MTA3: variants seen among roughly 807,000 people sequenced by gnomAD.
The protein encoded by MTA3 is metastasis-associated protein MTA3.
A neutral mutation model predicts 83.5 loss-of-function variants in MTA3; 34 were observed. That is an observed-to-expected ratio of 0.41 (90% CI 0.31 to 0.54). The LOEUF (loss-of-function observed/expected upper bound fraction) is 0.54, where lower values mean the gene tolerates loss of function less well. MTA3 is among the 20% of genes least tolerant of loss of function. The pLI is 0.33. For missense variants in MTA3, 761 were observed against 726.4 expected (o/e 1.05, Z -0.55); for synonymous variants, 303 against 252.7 (o/e 1.20, Z -1.89).
At chr2:42,577,664 A>G (rs532527968) in intron 2 of MTA3, among the ~76,000 whole-genome samples, 1 of 152,130 alleles carries the variant, frequency 6.6e-6, no homozygotes, top group South Asian at 2.1e-4. Context: ...TATTTTTGGT[A>G]GAGATGGGGT....
chr2:42,610,545 C>T (rs553866203), intron 4 of MTA3, among the ~76,000 whole-genome samples: 1 of 152,176 alleles, frequency 6.6e-6, no homozygotes, highest in African/African-American at 2.4e-5. Flanking sequence ...CCTTGTTTGT[C>T]GTTTTGGCAG....
chr2:42,572,202 C>T (rs1279167630), intron 2 of MTA3, among the ~76,000 whole-genome samples: 1 of 151,544 alleles, frequency 6.6e-6, no homozygotes, highest in East Asian at 1.9e-4. Context: ...TGGGGTGAAC[C>T]TGGGGGGTGG....
chr2:42,637,390 A>G (rs373139017), intron 4 of MTA3, among the ~76,000 whole-genome samples: 2 of 152,332 alleles, frequency 1.3e-5, no homozygotes, highest in African/African-American at 4.8e-5. Context: ...GACTCAGTAT[A>G]AATTGCCTAT....
At chr2:42,674,540 G>T (rs950607843) in intron 8 of MTA3, among the ~76,000 whole-genome samples, 1 of 151,452 alleles carries the variant, frequency 6.6e-6, no homozygotes, top group Non-Finnish European at 1.5e-5. Flanking sequence ...TGAAAACATG[G>T]TATCTTTGCA....
At chr2:42,582,273 TG>T (rs1325876803) in intron 3 of MTA3, among the ~76,000 whole-genome samples, 1 of 152,124 alleles carries the variant, frequency 6.6e-6, no homozygotes, top group Non-Finnish European at 1.5e-5. Flanking sequence ...TTAGCCAGGA[TG>T]GTCTCGATCT....
At chr2:42,531,783 G>T (rs1572934956) in intron 2 of MTA3, among the ~76,000 whole-genome samples, 1 of 138,938 alleles carries the variant, frequency 7.2e-6, no homozygotes. Flanking sequence ...TTGAGACGGA[G>T]TCTCGCTCTG....
chr2:42,723,321 C>A (rs1399966606), intron 16 of MTA3: 1 of 355,980 alleles, frequency 2.8e-6, no homozygotes, highest in East Asian at 5.4e-5. Flanking sequence ...AATGTTCTTG[C>A]TGTGATGCGC....
chr2:42,540,114 G>A (rs1252523383), intron 2 of MTA3, among the ~76,000 whole-genome samples: 1 of 151,608 alleles, frequency 6.6e-6, no homozygotes. Flanking sequence ...CAGGAGTTGA[G>A]TCAGGTGAAG....
intron 2 of MTA3, among the ~76,000 whole-genome samples, chr2:42,519,228 GA>G (rs1422943937): frequency 6.6e-6 from 1 of 152,024 alleles, no homozygotes; most frequent in African/African-American, 2.4e-5. Context: ...CTGATTATGA[GA>G]AAAACATCAG....
intron 2 of MTA3, among the ~76,000 whole-genome samples, chr2:42,500,321 C>T (rs1169824022): frequency 1.3e-5 from 2 of 152,066 alleles, no homozygotes; most frequent in African/African-American, 4.8e-5. Context: ...ATCTCTTGGA[C>T]CTGGGAGGCG....
In MTA3 at chr2:42,704,410, G is replaced by A. The variant is rs80091973; in HGVS notation, c.1150+92G>A. On this transcript the variant is annotated intron_variant, in intron 12 of 16. Coordinates refer to ENST00000405094, the MANE Select transcript of MTA3 (RefSeq NM_001330442.2). ...GGGAAGTGCCTGAGGTCAGTACGGT[G>A]CACCTTGGAAGGCACAAGCATGTCT... 3.7e-3 allele frequency: 5,590 copies of A among 1,493,742 alleles called. 185 individuals are homozygous for A. In the African/African-American group the frequency reaches 0.069, roughly 18 times the overall value. 92.5% of individuals were successfully genotyped at this position (1,493,742 alleles called of 1,614,324 possible). A position where few individuals can be genotyped will look rare whatever the true frequency, so the allele number is the denominator to read the frequency against.
Position 42,714,050 on chromosome 2 carries a change from A to G in MTA3, c.1526-4938A>G, listed in dbSNP as rs115395215. Among the ~76,000 whole-genome samples the G allele has an allele frequency of 1.5e-3, 232 of 152,280 alleles. 1 individual carries two copies. The highest frequency in any genetic ancestry group is 5.3e-3 in the African/African-American group (220 of 41,568). On this transcript the variant is annotated intron_variant, in intron 14 of 16. Coordinates refer to ENST00000405094, the MANE Select transcript of MTA3 (RefSeq NM_001330442.2). The stretch of plus-strand genomic sequence containing the variant: ...CACTCACAACATCTAGACAATTCCT[A>G]TTTCTCTAGAACTTTGCTGGCAGTG...
chr2:42,563,758 G>T (rs1205034525), upstream of MTA3, among the ~76,000 whole-genome samples: 1 of 149,006 alleles, frequency 6.7e-6, no homozygotes, highest in Non-Finnish European at 1.5e-5. Flanking sequence ...CAGCCACCAT[G>T]CCCGGCCTGG....
chr2:42,659,765 C>T lies in MTA3; in HGVS notation c.605C>T (p.Ala202Val), dbSNP rs377736052. 3 of 1,592,880 alleles carry T rather than the reference C, an allele frequency of 1.9e-6. No individual in the cohort carries two copies. The highest frequency in any genetic ancestry group is 1.4e-5 in the African/African-American group (1 of 73,730). ...TATTGTGTTTGTGGTTTATTCAGTG[C>T]TGTTGGGACATTCGCCAGAGCCCTG... is the stretch of plus-strand genomic sequence containing the variant. ...QIDQFLVVAR[A>V]VGTFARALDC... The change falls in exon 8 of 17, where the codon GCT becomes GTT. Residue 202 changes from alanine (A) to valine (V), a missense_variant and splice_region_variant. By Grantham distance (64) the Ala-to-Val change is moderately conservative. Coordinates refer to ENST00000405094, the MANE Select transcript of MTA3 (RefSeq NM_001330442.2).
chr2:42,587,221 C>T (rs1240201520), intron 3 of MTA3, among the ~76,000 whole-genome samples: 6 of 151,648 alleles, frequency 4.0e-5, no homozygotes, highest in African/African-American at 9.7e-5. Context: ...AAAAATAAAA[C>T]GTTAGTACAG....
At chr2:42,590,838 C>T (rs916098555) in intron 3 of MTA3, among the ~76,000 whole-genome samples, 2 of 152,070 alleles carry the variant, frequency 1.3e-5, no homozygotes, top group African/African-American at 2.4e-5. Flanking sequence ...CCCGACTGCT[C>T]TCGAATTCCT....
At position 42,697,771 on chromosome 2, in the gene MTA3, A is replaced by G. The variant is rs764266374; in HGVS notation, c.967-5A>G. 2.2e-5 allele frequency: 33 copies of G among 1,534,536 alleles called. No individual in the cohort carries two copies. Among genetic ancestry groups the G allele is most frequent in the Non-Finnish European group, 2.7e-5 (31 of 1,140,112 alleles). ...GTAAAATGTTTTATTCATCTTTTGA[A>G]TTAGAAACGTCTAAAAGCAGCAGAA... On this transcript the variant is annotated splice_region_variant and splice_polypyrimidine_tract_variant and intron_variant, in intron 10 of 16. Coordinates refer to ENST00000405094, the MANE Select transcript of MTA3 (RefSeq NM_001330442.2).
chr2:42,727,068 C>T (rs897418050), intron 16 of MTA3, among the ~76,000 whole-genome samples: 2 of 152,164 alleles, frequency 1.3e-5, no homozygotes, highest in African/African-American at 4.8e-5. Flanking sequence ...TAGTGGCATG[C>T]ACCCACAGTT....
chr2:42,559,529 C>T (rs1677562738), intron 2 of MTA3, among the ~76,000 whole-genome samples: 1 of 150,966 alleles, frequency 6.6e-6, no homozygotes, highest in Non-Finnish European at 1.5e-5. Context: ...ATTTTGTTTT[C>T]CCATTTCATC....
Sources: gnomAD v4.1 joint callset for allele counts (sites outside exome capture counted in the v4.1 genomes callset) on GRCh38, gnomAD v4.1.1 for gene constraint, MANE v1.5 for transcripts, NCBI Gene and HGNC (gene_info 2026-07-23, HGNC 2026-07-21) for gene names.